The following SLC36A1 variants were observed in gnomAD, a reference collection of about 807,000 sequenced individuals.
SLC36A1 encodes solute carrier family 36 member 1.
SLC36A1 carries 30 observed loss-of-function variants against 47.5 expected under a neutral mutation model. That is an observed-to-expected ratio of 0.63 (90% CI 0.47 to 0.86). SLC36A1 has a LOEUF of 0.86. Ranked by LOEUF, SLC36A1 falls within the 40% of genes least tolerant of loss-of-function variation. The pLI is 0.00. For missense variants in SLC36A1, 517 were observed against 606.0 expected, an observed-to-expected ratio of 0.85 and a Z score of 1.54; for synonymous variants, 255 against 249.7, an observed-to-expected ratio of 1.02 and a Z score of -0.20.
chr5:151,357,734 T>C, the SLC36A1 span, among the ~76,000 whole-genome samples: 11 of 152,258 alleles, frequency 7.2e-5, no homozygotes, highest in Admixed American at 7.2e-4. Context: ...TGGCTCTGTA[T>C]AGAAAAAGCT....
At chr5:151,531,551 C>A in the SLC36A1 span, 4 of 1,609,484 alleles carry the variant, frequency 2.5e-6, no homozygotes, top group South Asian at 4.4e-5. The surrounding 1 kb of genome is among the most constrained non-coding windows in gnomAD (Gnocchi z 5.7). Context: ...AAACCCTGTA[C>A]GCGATGCTTT....
chr5:151,492,542 G>A (rs1354080326), downstream of SLC36A1, among the ~76,000 whole-genome samples: 2 of 151,928 alleles, frequency 1.3e-5, no homozygotes, highest in African/African-American at 2.4e-5. Flanking sequence ...AAGAAGAAAG[G>A]GACTAGGAAT....
the SLC36A1 span, among the ~76,000 whole-genome samples, chr5:151,408,817 A>G: frequency 7.4e-3 from 1,128 of 152,176 alleles, 20 homozygotes; most frequent in East Asian, 0.032. Context: ...ATAAAAATCC[A>G]CTTGCAAACA....
chr5:151,369,129 T>TA, the SLC36A1 span, among the ~76,000 whole-genome samples: 1 of 152,214 alleles, frequency 6.6e-6, no homozygotes, highest in Admixed American at 6.5e-5. Context: ...TGAAGTTTTC[T>TA]AAAAAACTAT....
At chr5:151,465,246 A>T (rs1187149721) in intron 5 of SLC36A1, 77 bp downstream of exon 5, 1 of 1,142,554 alleles carries the variant, frequency 8.8e-7, no homozygotes, top group Non-Finnish European at 1.3e-6. Context: ...AACGTGGGAG[A>T]CAGTGTAAAG....
Position 151,476,870 on chromosome 5 carries a change from C to G in SLC36A1, c.989+114C>G, listed in dbSNP as rs184312264. 7.3e-5 allele frequency: 94 copies of G among 1,296,186 alleles called. No individual in the cohort carries two copies. In the African/African-American group the frequency reaches 1.3e-3, roughly 18 times the overall value. 80.3% of individuals were successfully genotyped at this position (1,296,186 alleles called of 1,614,324 possible). A position where few individuals can be genotyped will look rare whatever the true frequency, so the allele number is the denominator to read the frequency against. On this transcript the variant is annotated intron_variant, in intron 9 of 10. Coordinates refer to ENST00000243389, the MANE Select transcript of SLC36A1 (RefSeq NM_078483.4). ...CTTAAACCAGCCCACTTCACTCTAG[C>G]CCACCATCCCCTGCCACTGCCAGCC...
chr5:151,507,687 G>A, the SLC36A1 span: 1 of 1,325,188 alleles, frequency 7.5e-7, no homozygotes, highest in Non-Finnish European at 1.0e-6. Flanking sequence ...AGATCTATGG[G>A]ATAGAGACTG....
chr5:151,457,862 T>C (rs982961642), intron 1 of SLC36A1, among the ~76,000 whole-genome samples: 10 of 151,608 alleles, frequency 6.6e-5, no homozygotes, highest in Non-Finnish European at 1.3e-4. Context: ...TTGTTTTTTT[T>C]TTTGAGATGG....
At chr5:151,445,841 A>G (rs777967001), upstream of SLC36A1, among the ~76,000 whole-genome samples, 1 of 152,050 alleles carries the variant, frequency 6.6e-6, no homozygotes, top group Non-Finnish European at 1.5e-5. Flanking sequence ...TAGTGTCTTC[A>G]CTTTCATTTT....
chr5:151,396,637 GAATGGGATTAA>G, the SLC36A1 span, among the ~76,000 whole-genome samples: 2 of 42,754 alleles, frequency 4.7e-5, no homozygotes, highest in African/African-American at 7.5e-4. Flanking sequence ...CTTTAAATAT[GAATGGGATTAA>G]ATATGAATGG....
chr5:151,473,686 C>T lies in SLC36A1; in HGVS notation c.737C>T (p.Pro246Leu). 6.2e-7 allele frequency: 1 copy of T among 1,612,674 alleles called. No homozygotes were observed. Among genetic ancestry groups the T allele is most frequent in the South Asian group, 1.1e-5 (1 of 91,028 alleles). Reference protein sequence around the residue: ...YQFIVQRIPDPSHLPLVAPWK... With the variant: ...YQFIVQRIPDLSHLPLVAPWK... ...TCTGTCTTTCAGAGGATCCCAGACC[C>T]CAGCCACCTCCCCTTGGTGGCCCCT... Residue 246 changes from proline (P) to leucine (L), a missense_variant, in exon 8 of 11, where the codon CCC becomes CTC. Physicochemically the swap from Pro to Leu is moderately conservative, Grantham distance 98. Coordinates refer to ENST00000243389, the MANE Select transcript of SLC36A1 (RefSeq NM_078483.4).
intron 1 of SLC36A1, among the ~76,000 whole-genome samples, chr5:151,441,448 G>A (rs953562084): frequency 1.3e-5 from 2 of 152,332 alleles, no homozygotes; most frequent in Non-Finnish European, 2.9e-5. Flanking sequence ...CATATTGAAA[G>A]TGGAGGAGAC....
At chr5:151,544,682 C>G in the SLC36A1 span, 9 of 1,614,190 alleles carry the variant, frequency 5.6e-6, no homozygotes, top group Non-Finnish European at 7.6e-6. Flanking sequence ...GATGGCGTTC[C>G]TCCATCCCGA....
chr5:151,496,528 G>C (rs1326151123), downstream of SLC36A1, among the ~76,000 whole-genome samples: 1 of 152,184 alleles, frequency 6.6e-6, no homozygotes, highest in Non-Finnish European at 1.5e-5. Context: ...AACTTTGCCA[G>C]CCTTTGGTGT....
intron 1 of SLC36A1, among the ~76,000 whole-genome samples, chr5:151,458,301 C>CGTGTGT (rs138441257): frequency 0.018 from 1,905 of 104,564 alleles, 41 homozygotes; most frequent in African/African-American, 0.079. Context: ...TATACATACA[C>CGTGTGT]GTGTATATAC....
chr5:151,488,561 G>A lies in SLC36A1; in HGVS notation c.*307G>A, dbSNP rs1759857528. The A allele has an allele frequency of 4.8e-6, 2 of 412,448 alleles. No homozygotes were observed. The highest frequency in any genetic ancestry group is 3.0e-5 in the South Asian group (1 of 33,876). 25.5% of individuals were successfully genotyped at this position (412,448 alleles called of 1,614,324 possible). A position where few individuals can be genotyped will look rare whatever the true frequency, so the allele number is the denominator to read the frequency against. On this transcript the variant is annotated 3_prime_UTR_variant, in exon 11 of 11. Coordinates refer to ENST00000243389, the MANE Select transcript of SLC36A1 (RefSeq NM_078483.4). ...TCCTACCTGCCTCCCCTCTGCTGGTGCACCTCGCCCAACTCATTCTTACTG... is the reference window on the plus strand; with the variant it reads ...TCCTACCTGCCTCCCCTCTGCTGGTACACCTCGCCCAACTCATTCTTACTG...
chr5:151,504,170 C>T, the SLC36A1 span: 1 of 152,534 alleles, frequency 6.6e-6, no homozygotes. Context: ...CACTCACAGT[C>T]ACACACACAG....
upstream of SLC36A1, among the ~76,000 whole-genome samples, chr5:151,432,385 T>A (rs1279069773): frequency 2.6e-5 from 4 of 152,064 alleles, no homozygotes; most frequent in African/African-American, 9.7e-5. Flanking sequence ...ACCTTCTTGC[T>A]CCCACTCAAA....
At chr5:151,551,500 C>T in the SLC36A1 span, 86 of 1,614,114 alleles carry the variant, frequency 5.3e-5, no homozygotes, top group Non-Finnish European at 6.9e-5. Context: ...CATCTGTCAC[C>T]TCAACAGTCA....
Sources: gnomAD v4.1 joint callset for allele counts (sites outside exome capture counted in the v4.1 genomes callset) on GRCh38, gnomAD v4.1.1 for gene constraint, Gnocchi (gnomAD v3.1) non-coding constraint, MANE v1.5 for transcripts, NCBI Gene and HGNC (gene_info 2026-07-23, HGNC 2026-07-21) for gene names.